Variants in CHST11 observed in about 807,000 individuals in gnomAD.
CHST11 encodes the protein C4S-1.
Under a neutral mutation model 30.4 loss-of-function variants are expected in CHST11, and 9 were observed. The observed-to-expected ratio is 0.30, with a 90% confidence interval of 0.18 to 0.52. CHST11 has a LOEUF of 0.52. Among genes scored for constraint, CHST11 ranks in the 20% least tolerant of loss-of-function variants. The probability of loss-of-function intolerance (pLI) is 0.97; values close to 1 mark genes in which losing one functional copy is unlikely to be tolerated. For missense variants in CHST11, 348 were observed against 460.6 expected, an observed-to-expected ratio of 0.76 and a Z score of 2.24; for synonymous variants, 152 against 187.8, an observed-to-expected ratio of 0.81 and a Z score of 1.56.
At chr12:104,681,099 A>G (rs2136101985) in intron 2 of CHST11, among the ~76,000 whole-genome samples, 1 of 152,328 alleles carries the variant, frequency 6.6e-6, no homozygotes, top group East Asian at 1.9e-4. Context: ...GCAGTCTCTT[A>G]CCAGCCTGTT....
intron 1 of CHST11, among the ~76,000 whole-genome samples, chr12:104,503,760 G>C (rs2037875341): frequency 1.3e-5 from 2 of 152,146 alleles, no homozygotes; most frequent in African/African-American, 4.8e-5. Flanking sequence ...TGGGACATCA[G>C]CACGGGACAC....
intron 2 of CHST11, among the ~76,000 whole-genome samples, chr12:104,645,871 C>T (rs1329755732): frequency 1.3e-5 from 2 of 152,232 alleles, no homozygotes; most frequent in South Asian, 2.1e-4. Flanking sequence ...GTGTGGCTCC[C>T]AGTGGGGCCA....
intron 2 of CHST11, among the ~76,000 whole-genome samples, chr12:104,646,288 T>A (rs574453457): frequency 6.6e-6 from 1 of 152,164 alleles, no homozygotes; most frequent in Non-Finnish European, 1.5e-5. Flanking sequence ...GCTGGCAGTG[T>A]TCCTCCTCTC....
rs762812202 is a variant in CHST11, at chr12:104,676,567, A to C, written c.204+74576A>C. Among the ~76,000 whole-genome samples the C allele has an allele frequency of 1.3e-5, 2 of 152,168 alleles. No homozygotes were observed. Among genetic ancestry groups the C allele is most frequent in the Non-Finnish European group, 2.9e-5 (2 of 68,036 alleles). On this transcript the variant is annotated intron_variant, in intron 2 of 2. Coordinates refer to ENST00000303694, the MANE Select transcript of CHST11 (RefSeq NM_018413.6). The surrounding 1 kb of genome is among the most constrained non-coding windows in gnomAD (Gnocchi z 4.4). ...GTAGCCGGGACTGCAGACATGTGCC[A>C]CCACGCCTGGCTAATTTTTGTATTT... is the stretch of plus-strand genomic sequence containing the variant.
At chr12:104,500,454 G>T (rs1044870774) in intron 1 of CHST11, among the ~76,000 whole-genome samples, 1 of 152,204 alleles carries the variant, frequency 6.6e-6, no homozygotes, top group Non-Finnish European at 1.5e-5. Context: ...AAATGAACGA[G>T]CAAGGAAGAA....
chr12:104,637,302 TAAAA>T (rs10622882), intron 2 of CHST11, among the ~76,000 whole-genome samples: 8 of 62,570 alleles, frequency 1.3e-4, no homozygotes, highest in African/African-American at 5.0e-4. Context: ...TGAGACCCTG[TAAAA>T]AAAAAAAAAA....
intron 1 of CHST11, among the ~76,000 whole-genome samples, chr12:104,487,656 C>T (rs1182481464): frequency 6.6e-6 from 1 of 151,960 alleles, no homozygotes; most frequent in African/African-American, 2.4e-5. Flanking sequence ...TTTATCTGAG[C>T]TCACCAGCTG....
At chr12:104,665,015 T>A (rs1365560085) in intron 2 of CHST11, among the ~76,000 whole-genome samples, 2 of 152,230 alleles carry the variant, frequency 1.3e-5, no homozygotes, top group African/African-American at 4.8e-5. Context: ...GGCTCTGTGC[T>A]CTGCCTGAGT....
chr12:104,552,455 AC>A (rs2038414015), intron 1 of CHST11: 1 of 152,144 alleles, frequency 6.6e-6, no homozygotes. Context: ...ACAGGCGCAC[AC>A]CACCACACCT....
At chr12:104,614,686 T>C (rs2039092026) in intron 2 of CHST11, among the ~76,000 whole-genome samples, 1 of 123,652 alleles carries the variant, frequency 8.1e-6, no homozygotes, top group South Asian at 2.8e-4. Context: ...TGTGTGTGCA[T>C]GCATGCTTGT....
intron 2 of CHST11, among the ~76,000 whole-genome samples, chr12:104,677,845 G>A (rs948468800): frequency 4.6e-5 from 7 of 152,290 alleles, no homozygotes; most frequent in African/African-American, 1.7e-4. Flanking sequence ...ATATCACCCT[G>A]TCCCTCAGTT....
intron 1 of CHST11, among the ~76,000 whole-genome samples, chr12:104,561,120 G>A (rs1318573902): frequency 6.6e-6 from 1 of 152,206 alleles, no homozygotes; most frequent in Non-Finnish European, 1.5e-5. Context: ...GTGAGTGTCA[G>A]ATGAAGAAAC....
At chr12:104,700,241 C>T (rs312140) in intron 2 of CHST11, among the ~76,000 whole-genome samples, 50,350 of 151,816 alleles carry the variant, frequency 0.33, 8,611 homozygotes, top group Non-Finnish European at 0.39. Context: ...CTGGGGGTGT[C>T]GGGAATGCAG....
intron 1 of CHST11, among the ~76,000 whole-genome samples, chr12:104,593,842 A>T (rs1271295880): frequency 6.6e-6 from 1 of 152,194 alleles, no homozygotes; most frequent in African/African-American, 2.4e-5. Context: ...TGGAGAGTTC[A>T]TTTAAGGCAC....
Position 104,582,891 on chromosome 12 carries a change from G to A in CHST11, c.119-19015G>A, listed in dbSNP as rs114544009. Among the ~76,000 whole-genome samples the A allele has an allele frequency of 3.4e-3, 518 of 151,718 alleles. 1 individual carries two copies. The highest frequency in any genetic ancestry group is 0.012 in the African/African-American group (492 of 41,354). On this transcript the variant is annotated intron_variant, in intron 1 of 2. Transcript: ENST00000303694. ...CAAGTCACCCAGCTCACAGGTGGCC[G>A]CAAGCTCTGAACTGGAACTGTTTCT...
chr12:104,499,103 A>G (rs1485809004), intron 1 of CHST11, among the ~76,000 whole-genome samples: 1 of 152,194 alleles, frequency 6.6e-6, no homozygotes, highest in Non-Finnish European at 1.5e-5. Context: ...AGCAGGGACC[A>G]TGATTCTTGT....
chr12:104,512,724 C>T (rs1460430137), intron 1 of CHST11, among the ~76,000 whole-genome samples: 1 of 152,118 alleles, frequency 6.6e-6, no homozygotes, highest in Non-Finnish European at 1.5e-5. Flanking sequence ...TGAATTCAGG[C>T]TAGATGGTAG....
intron 2 of CHST11, among the ~76,000 whole-genome samples, chr12:104,640,940 G>A (rs73189329): frequency 0.076 from 11,587 of 152,088 alleles, 477 homozygotes; most frequent in Non-Finnish European, 0.092. Flanking sequence ...TGCCTGCCCC[G>A]ACCCCCATCC....
At position 104,541,158 on chromosome 12, in the gene CHST11, A is replaced by ACT. The variant is rs1257068834; in HGVS notation, c.119-60747_119-60746insTC. ...CACACACACACACACACACACACAC[A>ACT]CATTTTAAAAGCTTTCATGTGCCCT... On this transcript the variant is annotated intron_variant, in intron 1 of 2. Transcript: ENST00000303694. Among the ~76,000 whole-genome samples the ACT allele has an allele frequency of 8.0e-4, 121 of 152,044 alleles. 1 individual carries two copies. Among genetic ancestry groups the ACT allele is most frequent in the African/African-American group, 2.8e-3 (117 of 41,428 alleles).
Sources: allele counts gnomAD v4.1 joint callset (sites outside exome capture counted in the v4.1 genomes callset), GRCh38; gene constraint gnomAD v4.1.1; non-coding constraint Gnocchi (gnomAD v3.1); transcripts MANE v1.5; gene names NCBI Gene and HGNC (gene_info 2026-07-23, HGNC 2026-07-21).